The following MCCC2 variants were observed in gnomAD, a reference collection of about 807,000 sequenced individuals.
MCCC2 encodes methylcrotonoyl-CoA carboxylase beta chain, mitochondrial.
MCCC2 carries 52 observed loss-of-function variants against 77.2 expected under a neutral mutation model. The observed-to-expected ratio is 0.67, with a 90% CI of 0.54 to 0.85. MCCC2 has a LOEUF of 0.85. MCCC2 is among the 40% of genes least tolerant of loss of function. MCCC2 has a pLI of 0.00. For missense variants in MCCC2, 682 were observed against 703.2 expected, an observed-to-expected ratio of 0.97 and a Z score of 0.34; for synonymous variants, 253 against 248.4, an observed-to-expected ratio of 1.02 and a Z score of -0.18.
At chr5:71,592,078 A>C (rs1745005894) in intron 1 of MCCC2, among the ~76,000 whole-genome samples, 1 of 152,136 alleles carries the variant, frequency 6.6e-6, no homozygotes, top group Admixed American at 6.5e-5. Flanking sequence ...TGTTCTTTTT[A>C]AAACATAAAA....
chr5:71,626,353 C>G (rs1365412408), intron 6 of MCCC2, among the ~76,000 whole-genome samples: 1 of 152,128 alleles, frequency 6.6e-6, no homozygotes, highest in Admixed American at 6.5e-5. Flanking sequence ...GATTTCTTCT[C>G]TCCATTAGTT....
At chr5:71,607,785 T>C (rs1311644992) in intron 6 of MCCC2, among the ~76,000 whole-genome samples, 1 of 150,196 alleles carries the variant, frequency 6.7e-6, no homozygotes, top group East Asian at 2.0e-4. Flanking sequence ...GTCTTTGTTC[T>C]TGTTGGTTTC....
intron 8 of MCCC2, among the ~76,000 whole-genome samples, chr5:71,633,135 TTA>T (rs1305195148): frequency 1.9e-4 from 25 of 129,228 alleles, no homozygotes; most frequent in African/African-American, 8.1e-4. Flanking sequence ...ATATATATTT[TTA>T]TTTTTTGTAG....
chr5:71,591,977 A>T (rs765957979), intron 1 of MCCC2, among the ~76,000 whole-genome samples: 2 of 152,064 alleles, frequency 1.3e-5, no homozygotes, highest in Non-Finnish European at 2.9e-5. Flanking sequence ...TATGTTACTC[A>T]GGCTGGTCTC....
At chr5:71,630,799 A>G in intron 7 of MCCC2, among the ~76,000 whole-genome samples, 1 of 152,058 alleles carries the variant, frequency 6.6e-6, no homozygotes, top group African/African-American at 2.4e-5. Flanking sequence ...TCCCCTCAAG[A>G]AAGACTTTTT....
rs1429351862 is a variant in MCCC2, at chr5:71,602,647, G to A, written c.511+14G>A. The A allele has an allele frequency of 6.2e-7, 1 of 1,614,024 alleles. No homozygotes were observed. On this transcript the variant is annotated intron_variant, in intron 5 of 16. Coordinates refer to ENST00000340941, the MANE Select transcript of MCCC2 (RefSeq NM_022132.5). ...GCATCTACTTAGGCAAGTCACCAGA[G>A]TGGTAAAATAAACTATTATTAGCTG...
intron 7 of MCCC2, among the ~76,000 whole-genome samples, chr5:71,627,578 G>A (rs1358668812): frequency 1.3e-5 from 2 of 152,140 alleles, no homozygotes; most frequent in African/African-American, 4.8e-5. Flanking sequence ...TATTTCTGTT[G>A]GATATGTACC....
chr5:71,624,464 G>A (rs528835113), intron 6 of MCCC2, among the ~76,000 whole-genome samples: 6 of 150,634 alleles, frequency 4.0e-5, no homozygotes, highest in Non-Finnish European at 8.9e-5. Flanking sequence ...CGCAACCTGT[G>A]CCTCCCGGGT....
Position 71,592,976 on chromosome 5 carries a change from G to A in MCCC2, c.180G>A (p.Val60=), listed in dbSNP as rs1745040185. The change falls in exon 2 of 17, where the codon GTG becomes GTA. Residue 60 remains valine (V), a synonymous_variant. Transcript: ENST00000340941. The part of the protein sequence containing the change: ...KALVNQLHER[V]EHIKLGGGEK... Reference sequence around the variant, plus strand: ...TAGTAAATCAGCTCCATGAACGAGTGGAGCATATAAAACTAGGTAAACACA... The same window carrying A: ...TAGTAAATCAGCTCCATGAACGAGTAGAGCATATAAAACTAGGTAAACACA... 1 of 1,613,148 alleles carries A rather than the reference G, an allele frequency of 6.2e-7. No individual in the cohort carries two copies. The highest frequency in any genetic ancestry group is 1.3e-5 in the African/African-American group (1 of 74,812).
intron 1 of MCCC2, among the ~76,000 whole-genome samples, chr5:71,589,647 A>G (rs944708651): frequency 2.0e-5 from 3 of 152,268 alleles, no homozygotes; most frequent in Admixed American, 1.3e-4. Flanking sequence ...GATCCAGTTT[A>G]GCTGTGTTTC....
chr5:71,631,563 C>T (rs1294261334), intron 7 of MCCC2, among the ~76,000 whole-genome samples: 9 of 134,178 alleles, frequency 6.7e-5, no homozygotes, highest in Admixed American at 8.5e-5. Flanking sequence ...TTTTTTGAGA[C>T]GGAGTCTCGC....
At chr5:71,622,151 A>G (rs1746370985) in intron 6 of MCCC2, among the ~76,000 whole-genome samples, 1 of 152,090 alleles carries the variant, frequency 6.6e-6, no homozygotes, top group South Asian at 2.1e-4. Context: ...GGAGAATGCC[A>G]TAGAATTTTC....
At chr5:71,640,703 C>T (rs144511860) in intron 10 of MCCC2, among the ~76,000 whole-genome samples, 7 of 152,268 alleles carry the variant, frequency 4.6e-5, no homozygotes, top group South Asian at 2.1e-4. Context: ...GAACCTCTGC[C>T]GGTACATTCG....
intron 7 of MCCC2, 118 bp downstream of exon 7, chr5:71,626,871 C>T: frequency 1.0e-6 from 1 of 981,554 alleles, no homozygotes; most frequent in Non-Finnish European, 1.6e-6. Context: ...TAACATAAAA[C>T]TTACTGTTGT....
At chr5:71,624,097 C>G (rs1219566774) in intron 6 of MCCC2, among the ~76,000 whole-genome samples, 1 of 152,182 alleles carries the variant, frequency 6.6e-6, no homozygotes, top group East Asian at 1.9e-4. Flanking sequence ...GATCAGGGCC[C>G]TGTTCTTGAC....
At chr5:71,600,275 T>G (rs1320460850) in intron 4 of MCCC2, among the ~76,000 whole-genome samples, 1 of 152,224 alleles carries the variant, frequency 6.6e-6, no homozygotes, top group African/African-American at 2.4e-5. Context: ...TGAAAAAAAT[T>G]CAGTCATTTA....
At chr5:71,613,623 CTGTT>C (rs1403933557) in intron 6 of MCCC2, among the ~76,000 whole-genome samples, 1 of 152,062 alleles carries the variant, frequency 6.6e-6, no homozygotes, top group Non-Finnish European at 1.5e-5. Flanking sequence ...GTGGTCCTAG[CTGTT>C]TGGGAGGCTG....
chr5:71,591,237 A>G (rs1035805915), intron 1 of MCCC2, among the ~76,000 whole-genome samples: 1 of 152,202 alleles, frequency 6.6e-6, no homozygotes, highest in African/African-American at 2.4e-5. Context: ...AGCAAAATGT[A>G]TTAGTGGGCC....
intron 8 of MCCC2, among the ~76,000 whole-genome samples, chr5:71,633,131 A>ATATTTTTTTTTTTTTTTT (rs1554137344): frequency 1.8e-4 from 14 of 78,058 alleles, no homozygotes; most frequent in East Asian, 4.9e-4. Flanking sequence ...ATATATATAT[A>ATATTTTTTTTTTTTTTTT]TTTTTATTTT....
Sources: allele counts gnomAD v4.1 joint callset (sites outside exome capture counted in the v4.1 genomes callset), GRCh38; gene constraint gnomAD v4.1.1; transcripts MANE v1.5; gene names NCBI Gene and HGNC (gene_info 2026-07-23, HGNC 2026-07-21).